DYNC1LI2: variants seen among roughly 807,000 people sequenced by gnomAD.
The protein encoded by DYNC1LI2 is dynein cytoplasmic 1 light intermediate chain 2.
In DYNC1LI2, 19 loss-of-function variants were observed where a neutral mutation model predicts 57.8. The observed-to-expected ratio is 0.33, with a 90% CI of 0.23 to 0.48. The LOEUF is 0.48. Among genes scored for constraint, DYNC1LI2 ranks in the 20% least tolerant of loss-of-function variants. DYNC1LI2 has a pLI of 0.99. For synonymous variants in DYNC1LI2, 256 were observed against 233.4 expected, an observed-to-expected ratio of 1.10 and a Z score of -0.88; for missense variants, 470 against 604.2, an observed-to-expected ratio of 0.78 and a Z score of 2.33.
At chr16:66,732,030 C>T (rs2017645578) in intron 7 of DYNC1LI2, 1 of 269,682 alleles carries the variant, frequency 3.7e-6, no homozygotes. Context: ...CATTCAGGAT[C>T]CCCCAAGCAC....
chr16:66,729,310 C>T (rs2017592134), intron 8 of DYNC1LI2, among the ~76,000 whole-genome samples: 1 of 152,180 alleles, frequency 6.6e-6, no homozygotes, highest in Non-Finnish European at 1.5e-5. Context: ...TTAAGTCTGG[C>T]AGGTTCTAAA....
intron 5 of DYNC1LI2, among the ~76,000 whole-genome samples, chr16:66,734,937 C>A (rs1716927950): frequency 8.3e-6 from 1 of 120,244 alleles, no homozygotes. Flanking sequence ...GCAGAGGTTG[C>A]AGTGAGCCGA....
intron 4 of DYNC1LI2, chr16:66,739,448 T>G (rs2017798134): frequency 6.6e-6 from 1 of 152,230 alleles, no homozygotes; most frequent in African/African-American, 2.4e-5. Context: ...TTTATTTATT[T>G]AATTGTTTTT....
chr16:66,741,237 T>A (rs973683226), intron 4 of DYNC1LI2, among the ~76,000 whole-genome samples: 2 of 152,218 alleles, frequency 1.3e-5, no homozygotes, highest in African/African-American at 4.8e-5. Context: ...GGTACAAAGC[T>A]GTCTGTGCAG....
In DYNC1LI2 at chr16:66,721,696, T is replaced by C. The variant is rs2017453006; in HGVS notation, c.*2026A>G. On this transcript the variant is annotated 3_prime_UTR_variant, in exon 13 of 13. Coordinates refer to ENST00000258198, the MANE Select transcript of DYNC1LI2 (RefSeq NM_006141.3). ...CCAAGAAACCTTCCTTCACAAGACA[T>C]GTCTTAGCATTTCATCAGTTTTAGT... 6.6e-6 allele frequency: 1 copy of C among 152,668 alleles called. No individual in the cohort carries two copies. Among genetic ancestry groups the C allele is most frequent in the Non-Finnish European group, 1.5e-5 (1 of 68,044 alleles). The allele number at this position is 152,668 out of a possible 1,614,324, so 9.5% of individuals were successfully genotyped here. A position where few individuals can be genotyped will look rare whatever the true frequency, so the allele number is the denominator to read the frequency against.
chr16:66,724,420 A>T (rs1349524930), intron 12 of DYNC1LI2, among the ~76,000 whole-genome samples: 1 of 152,172 alleles, frequency 6.6e-6, no homozygotes, highest in African/African-American at 2.4e-5. Flanking sequence ...CCAGACTCTG[A>T]GTTTCTTAGA....
intron 4 of DYNC1LI2, among the ~76,000 whole-genome samples, chr16:66,737,844 T>A (rs1358159526): frequency 6.6e-6 from 1 of 152,192 alleles, no homozygotes; most frequent in African/African-American, 2.4e-5. Flanking sequence ...TCTGCACCTT[T>A]ATGTGGGCAC....
At chr16:66,749,831 A>T (rs2018009464) in intron 2 of DYNC1LI2, among the ~76,000 whole-genome samples, 1 of 152,214 alleles carries the variant, frequency 6.6e-6, no homozygotes, top group African/African-American at 2.4e-5. Flanking sequence ...AAGGCTAAGA[A>T]ACTGACGAAA....
chr16:66,729,003 G>A (rs758017314), intron 9 of DYNC1LI2, 37 bp downstream of exon 9: 3 of 1,610,124 alleles, frequency 1.9e-6, no homozygotes, highest in Admixed American at 3.3e-5. Flanking sequence ...TTTCATGCAT[G>A]AGAAGGCCTC....
chr16:66,738,106 A>C (rs764193973), intron 4 of DYNC1LI2, among the ~76,000 whole-genome samples: 2 of 152,236 alleles, frequency 1.3e-5, no homozygotes, highest in Non-Finnish European at 2.9e-5. Context: ...TTTTATTTAC[A>C]AAGATTTGAC....
rs180949330 is a variant in DYNC1LI2, at chr16:66,736,611, C to T, written c.530-367G>A. ...CTTCTGAGCTCAAGTGATCTTCCCACTTCAGCTTCCCAAGTAGCTGGGACT... is the reference window on the plus strand; with the variant it reads ...CTTCTGAGCTCAAGTGATCTTCCCATTTCAGCTTCCCAAGTAGCTGGGACT... On this transcript the variant is annotated intron_variant, in intron 4 of 12. Coordinates refer to ENST00000258198, the MANE Select transcript of DYNC1LI2 (RefSeq NM_006141.3). Among the ~76,000 whole-genome samples, 364 of 152,242 alleles carry T rather than the reference C, an allele frequency of 2.4e-3. 1 individual carries two copies. Among genetic ancestry groups the T allele is most frequent in the African/African-American group, 8.4e-3 (350 of 41,502 alleles).
intron 3 of DYNC1LI2, among the ~76,000 whole-genome samples, chr16:66,747,116 G>A (rs990041169): frequency 6.9e-6 from 1 of 144,174 alleles, no homozygotes; most frequent in East Asian, 2.0e-4. Flanking sequence ...GTCTCACTCT[G>A]TTGCCCAGGC....
chr16:66,749,095 C>G, intron 3 of DYNC1LI2, 102 bp downstream of exon 3: 1 of 1,158,486 alleles, frequency 8.6e-7, no homozygotes. Context: ...GAGAACCAAA[C>G]AGAAAACTGA....
chr16:66,746,580 A>G (rs1596998732), intron 3 of DYNC1LI2, among the ~76,000 whole-genome samples: 1 of 152,206 alleles, frequency 6.6e-6, no homozygotes, highest in Non-Finnish European at 1.5e-5. Context: ...AAGTTAAAAT[A>G]TACTTAAAGG....
At chr16:66,738,198 T>C (rs982203096) in intron 4 of DYNC1LI2, 2 of 151,744 alleles carry the variant, frequency 1.3e-5, no homozygotes, top group Non-Finnish European at 2.9e-5. Flanking sequence ...AACTAACTGA[T>C]TAGGCCCTAA....
intron 3 of DYNC1LI2, among the ~76,000 whole-genome samples, chr16:66,746,538 T>A (rs1030290680): frequency 6.6e-6 from 1 of 152,090 alleles, no homozygotes; most frequent in Non-Finnish European, 1.5e-5. Flanking sequence ...GACCAAGAAG[T>A]TTTTAAGGTA....
chr16:66,735,750 C>T (rs2017722790), intron 5 of DYNC1LI2, among the ~76,000 whole-genome samples: 1 of 152,036 alleles, frequency 6.6e-6, no homozygotes, highest in South Asian at 2.1e-4. Context: ...TCATGATCCG[C>T]CCACCTCAGC....
intron 12 of DYNC1LI2, chr16:66,724,805 A>G (rs953953017): frequency 6.6e-6 from 1 of 152,118 alleles, no homozygotes; most frequent in Non-Finnish European, 1.5e-5. Context: ...GTAAACAAAA[A>G]TCCTTACAAA....
At chr16:66,725,468 C>T (rs2017521411) in intron 12 of DYNC1LI2, among the ~76,000 whole-genome samples, 1 of 152,112 alleles carries the variant, frequency 6.6e-6, no homozygotes, top group Non-Finnish European at 1.5e-5. Flanking sequence ...AAGAGCAAAA[C>T]TCCACCTTGG....
Sources: allele counts gnomAD v4.1 joint callset (sites outside exome capture counted in the v4.1 genomes callset), GRCh38; gene constraint gnomAD v4.1.1; transcripts MANE v1.5; gene names NCBI Gene and HGNC (gene_info 2026-07-23, HGNC 2026-07-21).